IL12RB2: variants seen among roughly 807,000 people sequenced by gnomAD.
The protein encoded by IL12RB2 is interleukin-12 receptor subunit beta-2.
A neutral mutation model predicts 89.4 loss-of-function variants in IL12RB2; 82 were observed. The observed-to-expected ratio is 0.92, with a 90% CI of 0.77 to 1.10. The LOEUF (loss-of-function observed/expected upper bound fraction) is 1.10. Ranked by LOEUF, IL12RB2 falls within the 50% of genes least tolerant of loss-of-function variation. The pLI is 0.00. For synonymous variants in IL12RB2, 368 were observed against 370.1 expected (o/e 0.99, Z 0.07); for missense variants, 963 against 1,031.9 (o/e 0.93, Z 0.92).
chr1:67,370,551 TA>T (rs1448017219), intron 11 of IL12RB2, among the ~76,000 whole-genome samples: 9 of 152,158 alleles, frequency 5.9e-5, no homozygotes, highest in South Asian at 4.1e-4. Context: ...AAAAACCACC[TA>T]AGTGATGGTT....
At chr1:67,316,569 T>A (rs1262266034) in intron 2 of IL12RB2, among the ~76,000 whole-genome samples, 1 of 152,120 alleles carries the variant, frequency 6.6e-6, no homozygotes. Flanking sequence ...AGGCTCCCTT[T>A]TTTCGCAAAC....
chr1:67,393,116 T>C (rs1666003250), intron 16 of IL12RB2, among the ~76,000 whole-genome samples: 1 of 152,186 alleles, frequency 6.6e-6, no homozygotes, highest in African/African-American at 2.4e-5. Flanking sequence ...CTCCAGGTGC[T>C]AGGCAGAGGC....
At chr1:67,362,047 G>A (rs966917176) in intron 10 of IL12RB2, among the ~76,000 whole-genome samples, 4 of 151,848 alleles carry the variant, frequency 2.6e-5, no homozygotes, top group Non-Finnish European at 4.4e-5. Context: ...GAGGTGGGTG[G>A]ATCACCTGAG....
At chr1:67,315,510 A>T (rs973982645) in intron 2 of IL12RB2, among the ~76,000 whole-genome samples, 1 of 152,224 alleles carries the variant, frequency 6.6e-6, no homozygotes, top group Non-Finnish European at 1.5e-5. Context: ...CAGCTAACAT[A>T]GCTACTATAG....
intron 11 of IL12RB2, among the ~76,000 whole-genome samples, chr1:67,369,777 C>T (rs1004056588): frequency 2.6e-5 from 4 of 152,212 alleles, no homozygotes; most frequent in African/African-American, 9.6e-5. Context: ...CGGTGGCTCA[C>T]GCCTGTAATC....
At chr1:67,328,138 T>C in intron 5 of IL12RB2, 62 bp from the exon 6 acceptor site, 1 of 1,124,358 alleles carries the variant, frequency 8.9e-7, no homozygotes, top group Non-Finnish European at 1.4e-6. Flanking sequence ...TGTTCTTTTC[T>C]ACTGTAAGTA....
At chr1:67,360,957 G>A (rs1661976931) in intron 10 of IL12RB2, among the ~76,000 whole-genome samples, 1 of 152,034 alleles carries the variant, frequency 6.6e-6, no homozygotes, top group Non-Finnish European at 1.5e-5. Flanking sequence ...TCTATGTGGA[G>A]GGAAAGGAAA....
chr1:67,367,709 A>G (rs1039561722), intron 10 of IL12RB2, 116 bp from the exon 11 acceptor site: 1 of 756,524 alleles, frequency 1.3e-6, no homozygotes, highest in African/African-American at 1.7e-5. Flanking sequence ...CTTTAAAAGT[A>G]AACAGATTCT....
intron 9 of IL12RB2, 28 bp downstream of exon 9, chr1:67,338,731 C>G: frequency 9.4e-7 from 1 of 1,065,398 alleles, no homozygotes; most frequent in Non-Finnish European, 1.5e-6. Context: ...ACTTAAAACT[C>G]AAGGGAATAA....
chr1:67,348,682 A>T (rs1237271758), intron 9 of IL12RB2, among the ~76,000 whole-genome samples: 2 of 150,598 alleles, frequency 1.3e-5, no homozygotes, highest in Non-Finnish European at 3.0e-5. Context: ...AAAAAAAAAA[A>T]CCCTGAACTG....
upstream of IL12RB2, chr1:67,307,568 T>G (rs1046402457): frequency 2.6e-5 from 4 of 152,372 alleles, no homozygotes; most frequent in African/African-American, 9.6e-5. Context: ...GAGGGGAAAC[T>G]GACGGTGGAG....
chr1:67,366,344 G>A (rs993741172), intron 10 of IL12RB2, among the ~76,000 whole-genome samples: 6 of 151,430 alleles, frequency 4.0e-5, no homozygotes, highest in African/African-American at 1.2e-4. Context: ...CCAGCTACTC[G>A]GGAGGCTGAG....
intron 11 of IL12RB2, among the ~76,000 whole-genome samples, chr1:67,371,093 C>A (rs1053646914): frequency 3.3e-5 from 5 of 152,230 alleles, no homozygotes; most frequent in African/African-American, 4.8e-5. Flanking sequence ...AAGCTACTCA[C>A]TGGCCCCTCC....
intron 10 of IL12RB2, among the ~76,000 whole-genome samples, chr1:67,355,246 T>G (rs1399265485): frequency 6.6e-6 from 1 of 151,886 alleles, no homozygotes; most frequent in Non-Finnish European, 1.5e-5. Context: ...AAACCCTGTC[T>G]CTACCAAAAA....
intron 10 of IL12RB2, among the ~76,000 whole-genome samples, chr1:67,367,234 TAA>T (rs17109849): frequency 6.8e-6 from 1 of 146,730 alleles, no homozygotes; most frequent in Admixed American, 6.8e-5. Flanking sequence ...CTCTGTCTAA[TAA>T]AAAAAAAAAT....
At chr1:67,368,337 T>C (rs1219880685) in intron 11 of IL12RB2, among the ~76,000 whole-genome samples, 1 of 152,236 alleles carries the variant, frequency 6.6e-6, no homozygotes, top group Non-Finnish European at 1.5e-5. Context: ...AATAGACACC[T>C]TTATTTATCA....
intron 16 of IL12RB2, among the ~76,000 whole-genome samples, chr1:67,395,223 A>G (rs1383889514): frequency 1.3e-5 from 2 of 151,974 alleles, no homozygotes; most frequent in Admixed American, 6.6e-5. Context: ...AGCCAAGATC[A>G]TGCCACTGCA....
Position 67,313,947 on chromosome 1 carries a change from T to C in IL12RB2, c.-90T>C, listed in dbSNP as rs1655428776. The C allele has an allele frequency of 1.3e-5, 2 of 152,206 alleles. No homozygotes were observed. Among genetic ancestry groups the C allele is most frequent in the South Asian group, 2.1e-4 (1 of 4,828 alleles). 9.4% of individuals were successfully genotyped at this position (152,206 alleles called of 1,614,324 possible). ...ATCCATTTGTAAAGTCGGGAATAAA[T>C]GACCTCTGAAGTGTTGTCTGTATAT... On this transcript the variant is annotated 5_prime_UTR_variant, in exon 2 of 17. The change abolishes an upstream ATG in the 5' untranslated region. Coordinates refer to ENST00000674203, the MANE Select transcript of IL12RB2 (RefSeq NM_001374259.2).
At chr1:67,326,025 G>A (rs370866428) in intron 4 of IL12RB2, among the ~76,000 whole-genome samples, 6 of 152,252 alleles carry the variant, frequency 3.9e-5, no homozygotes, top group African/African-American at 9.6e-5. Context: ...TGCTTGGCTC[G>A]TGGGAGGTAC....
Sources: allele counts gnomAD v4.1 joint callset (sites outside exome capture counted in the v4.1 genomes callset), GRCh38; gene constraint gnomAD v4.1.1; transcripts MANE v1.5; gene names NCBI Gene and HGNC (gene_info 2026-07-23, HGNC 2026-07-21).